REDIC1: variants seen among roughly 807,000 people sequenced by gnomAD.
REDIC1 encodes HEI10 Interacting Protein 1.
At chr12:39,901,112 G>A in the REDIC1 span, among the ~76,000 whole-genome samples, 1 of 152,154 alleles carries the variant, frequency 6.6e-6, no homozygotes, top group African/African-American at 2.4e-5. Flanking sequence ...TTAATAAATG[G>A]TGTGGGGAAA....
At chr12:39,734,243 G>T in the REDIC1 span, among the ~76,000 whole-genome samples, 1 of 152,156 alleles carries the variant, frequency 6.6e-6, no homozygotes. Context: ...TGCATGCACT[G>T]TCTAACCAGT....
At chr12:39,654,855 G>T in the REDIC1 span, among the ~76,000 whole-genome samples, 1 of 152,148 alleles carries the variant, frequency 6.6e-6, no homozygotes, top group Non-Finnish European at 1.5e-5. Flanking sequence ...ACCAGTGAAG[G>T]CATCTGCACA....
the REDIC1 span, among the ~76,000 whole-genome samples, chr12:39,796,174 A>G: frequency 1.3e-5 from 2 of 152,192 alleles, no homozygotes; most frequent in African/African-American, 2.4e-5. Flanking sequence ...CATGTTTCCA[A>G]GGTTATGCAT....
chr12:39,685,640 GC>G, the REDIC1 span, among the ~76,000 whole-genome samples: 1 of 151,776 alleles, frequency 6.6e-6, no homozygotes, highest in Non-Finnish European at 1.5e-5. Flanking sequence ...TCCACCCCCA[GC>G]CCCCCAAATC....
the REDIC1 span, among the ~76,000 whole-genome samples, chr12:39,821,661 T>G: frequency 1.3e-5 from 2 of 152,158 alleles, no homozygotes; most frequent in African/African-American, 2.4e-5. Flanking sequence ...TGGTGAACTA[T>G]ACCGAAGAGG....
the REDIC1 span, among the ~76,000 whole-genome samples, chr12:39,664,533 C>T: frequency 1.6e-4 from 25 of 152,290 alleles, 1 homozygote; most frequent in East Asian, 2.1e-3. Context: ...CCACAATAAA[C>T]ATACGTGTGC....
At chr12:39,764,470 A>C in the REDIC1 span, 1 of 1,585,250 alleles carries the variant, frequency 6.3e-7, no homozygotes. Context: ...CATAGTATGT[A>C]AGATACTCTG....
chr12:39,836,095 T>C, the REDIC1 span, among the ~76,000 whole-genome samples: 1 of 152,124 alleles, frequency 6.6e-6, no homozygotes, highest in African/African-American at 2.4e-5. Flanking sequence ...GAGCTCTCTT[T>C]GAAATCACAG....
At chr12:39,767,309 TTC>T in the REDIC1 span, among the ~76,000 whole-genome samples, 1 of 151,380 alleles carries the variant, frequency 6.6e-6, no homozygotes, top group Non-Finnish European at 1.5e-5. Context: ...AATCTTTTTT[TTC>T]TTTTCCTGAG....
At chr12:39,830,005 TA>T in the REDIC1 span, 3 of 1,479,732 alleles carry the variant, frequency 2.0e-6, no homozygotes, top group Non-Finnish European at 2.8e-6. Flanking sequence ...AAGGCCAGTT[TA>T]AAAGAACTGC....
the REDIC1 span, among the ~76,000 whole-genome samples, chr12:39,728,704 T>A: frequency 6.6e-6 from 1 of 151,768 alleles, no homozygotes; most frequent in Non-Finnish European, 1.5e-5. Flanking sequence ...TTGTTTGGAG[T>A]AGTTTCAGAA....
the REDIC1 span, among the ~76,000 whole-genome samples, chr12:39,730,647 C>T: frequency 6.6e-6 from 1 of 152,094 alleles, no homozygotes; most frequent in Non-Finnish European, 1.5e-5. Flanking sequence ...TGGGGTTGCT[C>T]TTCTTGAGGA....
the REDIC1 span, among the ~76,000 whole-genome samples, chr12:39,722,639 A>T: frequency 1.3e-5 from 2 of 152,298 alleles, no homozygotes; most frequent in East Asian, 1.9e-4. Context: ...CAATATTGAA[A>T]GTACATTAAT....
At chr12:39,831,918 C>T in the REDIC1 span, among the ~76,000 whole-genome samples, 12 of 152,112 alleles carry the variant, frequency 7.9e-5, no homozygotes, top group Non-Finnish European at 1.8e-4. Context: ...ATCCTCTTTT[C>T]TTTATAAATT....
the REDIC1 span, among the ~76,000 whole-genome samples, chr12:39,771,010 T>C: frequency 1.3e-5 from 2 of 152,144 alleles, no homozygotes; most frequent in African/African-American, 2.4e-5. Context: ...CAAAAGGCTA[T>C]TTTGATGCTT....
At chr12:39,867,121 A>G in the REDIC1 span, among the ~76,000 whole-genome samples, 4,010 of 152,340 alleles carry the variant, frequency 0.026, 165 homozygotes, top group African/African-American at 0.091. Context: ...AAAACAAAAC[A>G]AAACGAACCA....
At chr12:39,733,599 G>A in the REDIC1 span, among the ~76,000 whole-genome samples, 1 of 152,160 alleles carries the variant, frequency 6.6e-6, no homozygotes, top group Non-Finnish European at 1.5e-5. Flanking sequence ...GAGATGCCCT[G>A]CCCAGAGAGG....
the REDIC1 span, among the ~76,000 whole-genome samples, chr12:39,839,762 C>T: frequency 6.6e-6 from 1 of 152,012 alleles, no homozygotes; most frequent in African/African-American, 2.4e-5. Flanking sequence ...ACACTGAGCC[C>T]CCATGACCTC....
the REDIC1 span, among the ~76,000 whole-genome samples, chr12:39,632,826 T>C: frequency 1.3e-5 from 2 of 152,130 alleles, no homozygotes; most frequent in African/African-American, 4.8e-5. Flanking sequence ...CATATCTTAA[T>C]ATAGAAAAGA....
Sources: allele counts gnomAD v4.1 joint callset (sites outside exome capture counted in the v4.1 genomes callset), GRCh38; gene constraint gnomAD v4.1.1; transcripts MANE v1.5; gene names NCBI Gene and HGNC (gene_info 2026-07-23, HGNC 2026-07-21).